Variants in DOCK8 observed in about 807,000 individuals in gnomAD.
The protein encoded by DOCK8 is dedicator of cytokinesis protein 8.
A neutral mutation model predicts 245.6 loss-of-function variants in DOCK8; 141 were observed. That is an observed-to-expected ratio of 0.57 (90% CI 0.50 to 0.66). The LOEUF is 0.66. Ranked by LOEUF, DOCK8 falls within the 30% of genes least tolerant of loss-of-function variation. The probability of loss-of-function intolerance (pLI) is 0.00; values close to 1 mark genes in which losing one functional copy is unlikely to be tolerated. For synonymous variants in DOCK8, 1,168 were observed against 970.2 expected (o/e 1.20, Z -3.79); for missense variants, 2,965 against 2,603.4 (o/e 1.14, Z -3.02).
intron 1 of DOCK8, among the ~76,000 whole-genome samples, chr9:246,231 G>A (rs1044046370): frequency 1.3e-5 from 2 of 151,836 alleles, no homozygotes; most frequent in Non-Finnish European, 2.9e-5. Context: ...AAAAAAAAAT[G>A]GGCATCTGGC....
chr9:443,367 A>G, intron 42 of DOCK8, 60 bp from the exon 43 acceptor site: 2 of 1,499,524 alleles, frequency 1.3e-6, no homozygotes, highest in Non-Finnish European at 1.9e-6. Flanking sequence ...ACTTCCAAGA[A>G]GACAAAGAGT....
chr9:316,960 A>C, intron 6 of DOCK8, 83 bp from the exon 7 acceptor site: 3 of 1,068,838 alleles, frequency 2.8e-6, no homozygotes, highest in African/African-American at 1.6e-5. Flanking sequence ...CGTGGAGGGT[A>C]GCCTTCCCTT....
chr9:374,207 T>C lies in DOCK8; in HGVS notation c.2109+1921T>C, dbSNP rs770165645. Among the ~76,000 whole-genome samples, 6 of 152,102 alleles carry C rather than the reference T, an allele frequency of 3.9e-5. No individual in the cohort carries two copies. In the South Asian group the frequency reaches 6.2e-4, roughly 16 times the overall value. On this transcript the variant is annotated intron_variant, in intron 18 of 47. Coordinates refer to ENST00000432829, the MANE Select transcript of DOCK8 (RefSeq NM_203447.4). The stretch of plus-strand genomic sequence containing the variant: ...TGTTTATAGATATACCCTTAGCCTC[T>C]CTTAGTATCCTTTAAACCTGCACTG...
In DOCK8 at chr9:428,371, G is replaced by C. The variant is rs765441712; in HGVS notation, c.4348G>C (p.Ala1450Pro). Residue 1450 changes from alanine to proline, a missense_variant, in exon 35 of 48, where the codon GCT becomes CCT. Ala to Pro is a conservative substitution (Grantham distance 27, BLOSUM62 -1). Around this residue, in one of 3 missense-constraint regions of DOCK8, gnomAD observed 2,825 missense variants for 2,453.5 expected, o/e 1.15. Coordinates refer to ENST00000432829, the MANE Select transcript of DOCK8 (RefSeq NM_203447.4). Reference protein sequence around the residue: ...MQENIIQASSALDCKDSLLGG... With the variant: ...MQENIIQASSPLDCKDSLLGG... Reference sequence around the variant, plus strand: ...TCTTCCATTCCCCCAGGCGAGCTCGGCTCTGGACTGTAAAGACAGCCTGCT... The same window carrying C: ...TCTTCCATTCCCCCAGGCGAGCTCGCCTCTGGACTGTAAAGACAGCCTGCT... 3 of 1,614,042 alleles carry C rather than the reference G, an allele frequency of 1.9e-6. No homozygotes were observed. Among genetic ancestry groups the C allele is most frequent in the Non-Finnish European group, 2.5e-6 (3 of 1,180,044 alleles).
intron 8 of DOCK8, 110 bp downstream of exon 8, chr9:325,847 A>G: frequency 3.7e-6 from 4 of 1,079,604 alleles, no homozygotes; most frequent in Non-Finnish European, 5.7e-6. Context: ...TTTGAAAGCA[A>G]ATGATCTTTG....
chr9:459,460 TAACA>T (rs1456864555), intron 46 of DOCK8, among the ~76,000 whole-genome samples: 1 of 152,246 alleles, frequency 6.6e-6, no homozygotes, highest in East Asian at 1.9e-4. Context: ...AATTGCTGTG[TAACA>T]AACTACCTCA....
At chr9:384,512 C>T (rs977141221) in intron 22 of DOCK8, among the ~76,000 whole-genome samples, 41 of 152,316 alleles carry the variant, frequency 2.7e-4, no homozygotes, top group African/African-American at 9.6e-4. Flanking sequence ...TACTGCCCCG[C>T]TGTGTGGCCA....
At chr9:371,624 T>A in intron 17 of DOCK8, 58 bp downstream of exon 17, 1 of 1,609,358 alleles carries the variant, frequency 6.2e-7, no homozygotes, top group Non-Finnish European at 8.5e-7. Context: ...CTGAGGTCCC[T>A]GCAGAGATAA....
At chr9:342,540 G>A (rs2051660143) in intron 14 of DOCK8, among the ~76,000 whole-genome samples, 1 of 151,662 alleles carries the variant, frequency 6.6e-6, no homozygotes, top group Admixed American at 6.6e-5. Context: ...CATGATCTCG[G>A]TTCACTGCAA....
chr9:282,413 G>GT (rs58014606), intron 2 of DOCK8, among the ~76,000 whole-genome samples: 37,323 of 131,424 alleles, frequency 0.28, 4,977 homozygotes, highest in Admixed American at 0.3. Context: ...GTTTCGTTTT[G>GT]TTTTTTTTTT....
At chr9:428,976 A>ATTT (rs1564057586) in intron 35 of DOCK8, among the ~76,000 whole-genome samples, 1 of 152,008 alleles carries the variant, frequency 6.6e-6, no homozygotes, top group African/African-American at 2.4e-5. Flanking sequence ...TTATTTATTT[A>ATTT]TTTATTTTTG....
At chr9:414,998 C>T in intron 29 of DOCK8, 47 bp downstream of exon 29, 2 of 1,606,018 alleles carry the variant, frequency 1.2e-6, no homozygotes, top group South Asian at 2.2e-5. Flanking sequence ...GGGCCCCTGC[C>T]AAATGCCCCA....
At chr9:360,087 G>A (rs1216313030) in intron 14 of DOCK8, among the ~76,000 whole-genome samples, 2 of 151,992 alleles carry the variant, frequency 1.3e-5, no homozygotes, top group Non-Finnish European at 1.5e-5. Context: ...AGGCCGAGGC[G>A]GGCGGATCAC....
rs186121383 is a variant in DOCK8 at position 382,573 on chromosome 9, C to T, written c.2666C>T (p.Ala889Val). The change falls in exon 22 of 48, where the codon GCT becomes GTT. Residue 889 changes from alanine (A) to valine (V), a missense_variant. Transcript: ENST00000432829. ...SYHTYGRTSA[A>V]AVSSKLLQAR... ...CACACGTATGGCCGCACATCAGCTG[C>T]TGCTGTGAGTTCAAAGCTGCTGCAG... 35 of 1,614,158 alleles carry T rather than the reference C, an allele frequency of 2.2e-5. No homozygotes were observed. The East Asian group carries it at 7.4e-4, about 34-fold the overall frequency.
chr9:450,312 A>G (rs2057387701), intron 45 of DOCK8, among the ~76,000 whole-genome samples: 1 of 152,200 alleles, frequency 6.6e-6, no homozygotes, highest in South Asian at 2.1e-4. Context: ...AAATGCCTAT[A>G]GGAGAGAAGG....
At chr9:431,061 GAC>G (rs1186890167) in intron 36 of DOCK8, among the ~76,000 whole-genome samples, 1 of 151,798 alleles carries the variant, frequency 6.6e-6, no homozygotes, top group Non-Finnish European at 1.5e-5. Flanking sequence ...TTTTTGTTGA[GAC>G]AGGGTCTTGC....
In DOCK8 at chr9:434,990, G is replaced by A; in HGVS notation, c.5079+15G>A. ...TCAGCTTCCAGGTAGGGTGTGTGCA[G>A]CTTTTCCCTTAGAGCAGTGGTTCTC... On this transcript the variant is annotated intron_variant, in intron 39 of 47. Coordinates refer to ENST00000432829, the MANE Select transcript of DOCK8 (RefSeq NM_203447.4). The A allele has an allele frequency of 1.9e-6, 3 of 1,611,522 alleles. No homozygotes were observed. Among genetic ancestry groups the A allele is most frequent in the South Asian group, 1.1e-5 (1 of 90,962 alleles).
intron 23 of DOCK8, among the ~76,000 whole-genome samples, 160 bp downstream of exon 23, chr9:386,586 A>G (rs537430284): frequency 6.6e-6 from 1 of 152,294 alleles, no homozygotes; most frequent in East Asian, 1.9e-4. Flanking sequence ...CCTGTCCTTT[A>G]CGCCACATTT....
intron 24 of DOCK8, among the ~76,000 whole-genome samples, chr9:393,969 A>G (rs2054322020): frequency 6.6e-6 from 1 of 152,168 alleles, no homozygotes; most frequent in South Asian, 2.1e-4. Context: ...AAGAATCAAG[A>G]GTATAGCAGA....
Sources: gnomAD v4.1 joint callset for allele counts (sites outside exome capture counted in the v4.1 genomes callset) on GRCh38, gnomAD v4.1.1 for gene constraint, gnomAD v4.1.1 regional missense constraint, MANE v1.5 for transcripts, NCBI Gene and HGNC (gene_info 2026-07-23, HGNC 2026-07-21) for gene names.